Variants in NPRL3 observed in about 807,000 individuals in gnomAD.
NPRL3 encodes the protein NPR3 like, GATOR1 complex subunit, also known as GATOR1 complex protein NPRL3.
In NPRL3, 23 loss-of-function variants were observed where a neutral mutation model predicts 57.2. The ratio of observed to expected loss-of-function variants is 0.40; its 90% CI spans 0.29 to 0.57. The LOEUF (loss-of-function observed/expected upper bound fraction) is 0.57, where lower values mean the gene tolerates loss of function less well. NPRL3 is among the 20% of genes least tolerant of loss of function. The pLI is 0.42. For synonymous variants in NPRL3, 333 were observed against 321.1 expected, an observed-to-expected ratio of 1.04 and a Z score of -0.39; for missense variants, 691 against 767.1, an observed-to-expected ratio of 0.90 and a Z score of 1.17.
chr16:124,250 T>A (rs1437361984), intron 3 of NPRL3, among the ~76,000 whole-genome samples: 2 of 152,182 alleles, frequency 1.3e-5, no homozygotes, highest in African/African-American at 4.8e-5. Context: ...ACAAAAGTCA[T>A]TTTTCAGAAG....
chr16:100,965 T>A, intron 7 of NPRL3, among the ~76,000 whole-genome samples: 1 of 3,030 alleles, frequency 3.3e-4, no homozygotes, highest in Non-Finnish European at 6.6e-4. Context: ...GGCAAGACTC[T>A]GTCTCAAAAA....
At chr16:117,783 T>C (rs1332636516) in intron 4 of NPRL3, among the ~76,000 whole-genome samples, 2 of 152,254 alleles carry the variant, frequency 1.3e-5, no homozygotes, top group African/African-American at 4.8e-5. Flanking sequence ...AGCCAAGCCC[T>C]GAGCAGGGCC....
chr16:124,457 T>C (rs1303077635), intron 3 of NPRL3, among the ~76,000 whole-genome samples: 1 of 151,934 alleles, frequency 6.6e-6, no homozygotes, highest in Non-Finnish European at 1.5e-5. Flanking sequence ...TGCCTCGGCC[T>C]CCCAAAGTAC....
chr16:112,295 T>C (rs1596521952), intron 6 of NPRL3, among the ~76,000 whole-genome samples: 1 of 152,350 alleles, frequency 6.6e-6, no homozygotes, highest in African/African-American at 2.4e-5. Context: ...AATGTGCCCC[T>C]TGGGAGTCTT....
chr16:110,513 C>T lies in NPRL3; in HGVS notation c.629+12G>A, dbSNP rs1433433944. On this transcript the variant is annotated intron_variant, in intron 7 of 13. Coordinates refer to ENST00000611875, the MANE Select transcript of NPRL3 (RefSeq NM_001077350.3). Reference sequence around the variant, plus strand: ...TAAGAAGGAGGTTAATAAGCACACCCACCTGTCTTACCTGTCATAAGCTTC... The same window carrying T: ...TAAGAAGGAGGTTAATAAGCACACCTACCTGTCTTACCTGTCATAAGCTTC... 2 of 1,607,098 alleles carry T rather than the reference C, an allele frequency of 1.2e-6. No individual in the cohort carries two copies. Among genetic ancestry groups the T allele is most frequent in the Non-Finnish European group, 1.7e-6 (2 of 1,176,560 alleles).
intron 7 of NPRL3, among the ~76,000 whole-genome samples, chr16:107,444 G>T (rs1219039092): frequency 6.6e-6 from 1 of 152,094 alleles, no homozygotes; most frequent in Non-Finnish European, 1.5e-5. Flanking sequence ...AGGAGTTCGA[G>T]ACCAGCCTGG....
At chr16:110,801 T>C (rs1323003195) in intron 6 of NPRL3, among the ~76,000 whole-genome samples, 195 bp from the exon 7 acceptor site, 1 of 152,100 alleles carries the variant, frequency 6.6e-6, no homozygotes, top group Non-Finnish European at 1.5e-5. Context: ...CCATCCACCT[T>C]GGCCTCCCAA....
rs559760517 is a variant in NPRL3, at chr16:89,735, G to A, written c.1329C>T (p.Asn443=). The part of the protein sequence containing the change: ...RVGGRSLSTP[N]ALSFGSPTSS... The stretch of plus-strand genomic sequence containing the variant: ...TACTTGGGGAGCCAAAGCTGAGGGC[G>A]TTGGGCGTGCTGAGGCTGCGACCGC... The change falls in exon 12 of 14, where the codon AAC becomes AAT. Residue 443 remains asparagine, a synonymous_variant. Transcript: ENST00000611875. 70 of 1,590,414 alleles carry A rather than the reference G, an allele frequency of 4.4e-5. No homozygotes were observed. The highest frequency in any genetic ancestry group is 1.6e-4 in the Admixed American group (9 of 57,366).
intron 7 of NPRL3, among the ~76,000 whole-genome samples, chr16:107,631 T>C (rs1233925458): frequency 1.4e-5 from 2 of 147,448 alleles, no homozygotes; most frequent in Non-Finnish European, 3.0e-5. Context: ...AAAAGAAATA[T>C]AAAGTCAATG....
At chr16:124,168 A>T (rs2141969479) in intron 3 of NPRL3, among the ~76,000 whole-genome samples, 1 of 152,150 alleles carries the variant, frequency 6.6e-6, no homozygotes, top group South Asian at 2.1e-4. Context: ...CACGCTCCCC[A>T]CGCTCAACGC....
chr16:107,082 T>A (rs750515194), intron 7 of NPRL3, among the ~76,000 whole-genome samples: 2 of 152,130 alleles, frequency 1.3e-5, no homozygotes, highest in Non-Finnish European at 2.9e-5. Flanking sequence ...GGAGTTTGGA[T>A]GGAGGAAATG....
rs1900178756 is a variant in NPRL3 at position 119,152 on chromosome 16, T to C, written c.292A>G (p.Thr98Ala). 12 of 1,613,614 alleles carry C rather than the reference T, an allele frequency of 7.4e-6. No individual in the cohort carries two copies. The East Asian group carries it at 1.3e-4, about 18-fold the overall frequency. The change falls in exon 4 of 14, where the codon ACA becomes GCA. Residue 98 changes from threonine (T) to alanine (A), a missense_variant. By Grantham distance (58) the Thr-to-Ala change is moderately conservative. Coordinates refer to ENST00000611875, the MANE Select transcript of NPRL3 (RefSeq NM_001077350.3). ...TGCCCCAGAGCATGCTGTAGCAGTGTTGGGTGCCCAACAAATCGCACATTA... is the reference window on the plus strand; with the variant it reads ...TGCCCCAGAGCATGCTGTAGCAGTGCTGGGTGCCCAACAAATCGCACATTA... ...IDNVRFVGHPTLLQHALGQIS... is the reference protein window; with the variant it reads ...IDNVRFVGHPALLQHALGQIS...
At chr16:115,053 C>T (rs1374660046) in intron 5 of NPRL3, among the ~76,000 whole-genome samples, 2 of 151,928 alleles carry the variant, frequency 1.3e-5, no homozygotes, top group East Asian at 1.9e-4. Flanking sequence ...CTGCTCACTG[C>T]CACCTTGACC....
intron 3 of NPRL3, among the ~76,000 whole-genome samples, chr16:121,707 T>C (rs1900288333): frequency 6.6e-6 from 1 of 152,162 alleles, no homozygotes. Context: ...ATTGTTTATC[T>C]GAGCAAATCT....
chr16:120,201 G>A (rs1022262013), intron 3 of NPRL3, among the ~76,000 whole-genome samples: 37 of 152,222 alleles, frequency 2.4e-4, no homozygotes, highest in African/African-American at 8.7e-4. Flanking sequence ...CTCCACCCAG[G>A]AAAAATATAT....
intron 8 of NPRL3, among the ~76,000 whole-genome samples, chr16:98,512 C>T (rs542298545): frequency 2.0e-5 from 3 of 152,050 alleles, no homozygotes; most frequent in African/African-American, 7.2e-5. Context: ...AGGTCCTGCA[C>T]GAGGTCCTGC....
chr16:118,014 G>T (rs553126574), intron 4 of NPRL3, among the ~76,000 whole-genome samples: 1 of 152,212 alleles, frequency 6.6e-6, no homozygotes, highest in African/African-American at 2.4e-5. Context: ...GGGTGTGACC[G>T]CGGGCAGGCT....
intron 13 of NPRL3, 133 bp from the exon 14 acceptor site, chr16:87,003 C>A: frequency 1.2e-6 from 1 of 864,008 alleles, no homozygotes; most frequent in Non-Finnish European, 1.7e-6. Flanking sequence ...GCCAGGGAGG[C>A]AGCCACCACA....
chr16:98,522 C>T (rs1899127873), intron 8 of NPRL3, among the ~76,000 whole-genome samples: 1 of 150,770 alleles, frequency 6.6e-6, no homozygotes, highest in Admixed American at 6.6e-5. Flanking sequence ...CGAGGTCCTG[C>T]ACCGGGTGTG....
Sources: gnomAD v4.1 joint callset for allele counts (sites outside exome capture counted in the v4.1 genomes callset) on GRCh38, gnomAD v4.1.1 for gene constraint, MANE v1.5 for transcripts, NCBI Gene and HGNC (gene_info 2026-07-23, HGNC 2026-07-21) for gene names.